KCNN2: variants seen among roughly 807,000 people sequenced by gnomAD.
KCNN2 encodes the protein small conductance calcium-activated potassium channel protein 2.
Under a neutral mutation model 55.5 loss-of-function variants are expected in KCNN2, and 24 were observed. The ratio of observed to expected loss-of-function variants is 0.43; its 90% CI spans 0.31 to 0.61. KCNN2 has a LOEUF of 0.61. KCNN2 is among the 20% of genes least tolerant of loss of function. KCNN2 has a pLI of 0.08. For missense variants in KCNN2, 754 were observed against 853.6 expected (o/e 0.88, Z 1.45); for synonymous variants, 431 against 336.1 (o/e 1.28, Z -3.09).
intron 1 of KCNN2, among the ~76,000 whole-genome samples, chr5:114,202,601 T>TTTTTTTTTTTC (rs70976320): frequency 2.3e-3 from 322 of 141,000 alleles, no homozygotes; most frequent in African/African-American, 8.6e-3. Flanking sequence ...TTTTTTTTTT[T>TTTTTTTTTTTC]CCCGAGACAG....
chr5:114,470,606 T>G (rs1761682941), intron 4 of KCNN2, among the ~76,000 whole-genome samples: 1 of 152,240 alleles, frequency 6.6e-6, no homozygotes, highest in Non-Finnish European at 1.5e-5. Flanking sequence ...AAGGCCATTC[T>G]TTTCTTTCAT....
At chr5:114,075,975 G>C (rs1750678172) in intron 1 of KCNN2, among the ~76,000 whole-genome samples, 1 of 152,194 alleles carries the variant, frequency 6.6e-6, no homozygotes, top group Non-Finnish European at 1.5e-5. Flanking sequence ...AGGCTAAATT[G>C]TGAGCCAAAT....
intron 6 of KCNN2, among the ~76,000 whole-genome samples, chr5:114,492,502 G>A (rs1226481937): frequency 6.6e-6 from 1 of 151,936 alleles, no homozygotes; most frequent in African/African-American, 2.4e-5. Flanking sequence ...TTCTCTTATT[G>A]GAAAATCTTT....
intron 1 of KCNN2, among the ~76,000 whole-genome samples, chr5:114,073,888 G>C (rs1355333424): frequency 6.6e-6 from 1 of 152,180 alleles, no homozygotes; most frequent in Non-Finnish European, 1.5e-5. Context: ...ACTTGCTTTA[G>C]TAAACAACTA....
intron 1 of KCNN2, among the ~76,000 whole-genome samples, chr5:114,078,122 C>T (rs1049957177): frequency 6.6e-6 from 1 of 152,076 alleles, no homozygotes; most frequent in African/African-American, 2.4e-5. Context: ...GAGGTCTAGT[C>T]ATAACATTTC....
At chr5:114,116,308 G>A (rs1751707507) in intron 1 of KCNN2, among the ~76,000 whole-genome samples, 1 of 152,086 alleles carries the variant, frequency 6.6e-6, no homozygotes, top group Non-Finnish European at 1.5e-5. Flanking sequence ...GGCAAAGGGA[G>A]AATTTTTAAA....
intron 1 of KCNN2, among the ~76,000 whole-genome samples, chr5:114,174,629 C>T (rs969568259): frequency 5.9e-5 from 9 of 152,094 alleles, no homozygotes; most frequent in East Asian, 5.8e-4. Flanking sequence ...AGTCATGCTG[C>T]GTTTGCTCAG....
intron 1 of KCNN2, among the ~76,000 whole-genome samples, chr5:114,135,931 A>G (rs951731494): frequency 5.3e-5 from 8 of 152,294 alleles, no homozygotes; most frequent in Non-Finnish European, 1.2e-4. Flanking sequence ...TTAGGAATTC[A>G]GAGGTGGAAA....
chr5:114,179,108 TA>T (rs776630501), intron 1 of KCNN2, among the ~76,000 whole-genome samples: 8 of 152,202 alleles, frequency 5.3e-5, no homozygotes, highest in Non-Finnish European at 8.8e-5. Flanking sequence ...CTCATCAGTT[TA>T]AAAACAAGTA....
intron 1 of KCNN2, among the ~76,000 whole-genome samples, chr5:114,214,339 G>C (rs1753956564): frequency 6.6e-6 from 1 of 151,684 alleles, no homozygotes; most frequent in Non-Finnish European, 1.5e-5. Flanking sequence ...TTGGCCTGTG[G>C]GCTATCGTTT....
At chr5:114,235,011 A>T (rs1003455205) in intron 2 of KCNN2, among the ~76,000 whole-genome samples, 2 of 152,184 alleles carry the variant, frequency 1.3e-5, no homozygotes, top group Admixed American at 1.3e-4. Context: ...TAACAGTTTC[A>T]CAGTTATCCT....
At chr5:114,484,394 C>T (rs1331051522) in intron 5 of KCNN2, among the ~76,000 whole-genome samples, 2 of 152,130 alleles carry the variant, frequency 1.3e-5, no homozygotes, top group Non-Finnish European at 2.9e-5. Flanking sequence ...GATTATTACA[C>T]TAAAAGCCCA....
chr5:114,444,945 G>A (rs1221255603), intron 3 of KCNN2, among the ~76,000 whole-genome samples: 1 of 152,148 alleles, frequency 6.6e-6, no homozygotes, highest in Admixed American at 6.5e-5. Flanking sequence ...TTTGCACAGT[G>A]TGGGTCTTCA....
chr5:114,391,239 A>G (rs894043975), intron 2 of KCNN2, among the ~76,000 whole-genome samples: 1 of 152,196 alleles, frequency 6.6e-6, no homozygotes, highest in African/African-American at 2.4e-5. Flanking sequence ...CCATCTTTAT[A>G]TCGCAAGTTA....
At chr5:114,348,431 T>A (rs1757153330) in intron 2 of KCNN2, among the ~76,000 whole-genome samples, 1 of 151,846 alleles carries the variant, frequency 6.6e-6, no homozygotes, top group Admixed American at 6.6e-5. Flanking sequence ...ATAATAATAA[T>A]AATAAAAAGA....
At chr5:114,099,191 C>G (rs1038979040) in intron 1 of KCNN2, among the ~76,000 whole-genome samples, 1 of 152,048 alleles carries the variant, frequency 6.6e-6, no homozygotes. Flanking sequence ...GGTTCTTCCT[C>G]CAGTATTAAG....
At chr5:114,169,629 C>T (rs779069025) in intron 1 of KCNN2, among the ~76,000 whole-genome samples, 4 of 152,012 alleles carry the variant, frequency 2.6e-5, no homozygotes, top group Non-Finnish European at 5.9e-5. Flanking sequence ...ACTGTAACCT[C>T]TTGGTTGTAG....
At chr5:114,381,314 GAAA>G (rs939399281) in intron 2 of KCNN2, among the ~76,000 whole-genome samples, 15 of 152,180 alleles carry the variant, frequency 9.9e-5, no homozygotes, top group Non-Finnish European at 1.9e-4. Flanking sequence ...ATCATTGGTT[GAAA>G]TCATTGCAGG....
chr5:114,088,340 G>T (rs753621634), intron 1 of KCNN2, among the ~76,000 whole-genome samples: 1 of 151,088 alleles, frequency 6.6e-6, no homozygotes, highest in Non-Finnish European at 1.5e-5. Context: ...TTAAGATTAT[G>T]ATGTGCTTTG....
Sources: gnomAD v4.1 joint callset for allele counts (sites outside exome capture counted in the v4.1 genomes callset) on GRCh38, gnomAD v4.1.1 for gene constraint, MANE v1.5 for transcripts, NCBI Gene and HGNC (gene_info 2026-07-23, HGNC 2026-07-21) for gene names.